MAGI2: variants seen among roughly 807,000 people sequenced by gnomAD.
MAGI2 encodes membrane-associated guanylate kinase, WW and PDZ domain-containing protein 2.
A neutral mutation model predicts 133.3 loss-of-function variants in MAGI2; 35 were observed. The observed-to-expected ratio is 0.26, with a 90% CI of 0.20 to 0.35. MAGI2 has a LOEUF of 0.35. MAGI2 is among the 10% of genes least tolerant of loss of function. The probability of loss-of-function intolerance (pLI) is 1.00; values close to 1 mark genes in which losing one functional copy is unlikely to be tolerated. For missense variants in MAGI2, 1,636 were observed against 1,863.4 expected, an observed-to-expected ratio of 0.88 and a Z score of 2.25; for synonymous variants, 729 against 710.6, an observed-to-expected ratio of 1.03 and a Z score of -0.41.
At chr7:78,193,886 G>A (rs1217242117) in intron 12 of MAGI2, among the ~76,000 whole-genome samples, 1 of 152,172 alleles carries the variant, frequency 6.6e-6, no homozygotes, top group Non-Finnish European at 1.5e-5. Context: ...TAGGGAAAAG[G>A]TATTATGTCT....
chr7:78,890,273 T>C (rs1249812126), intron 2 of MAGI2, among the ~76,000 whole-genome samples: 1 of 151,726 alleles, frequency 6.6e-6, no homozygotes, highest in Non-Finnish European at 1.5e-5. Context: ...CACACAATAA[T>C]AATGGGGGAC....
rs148871065 is a variant in MAGI2, at chr7:78,738,417, T to A, written c.419-111178A>T. 4.6e-5 allele frequency among the ~76,000 whole-genome samples: 7 copies of A among 152,330 alleles called. No individual in the cohort carries two copies. In the East Asian group the frequency reaches 1.3e-3, roughly 29 times the overall value. ...GATATAATTCTAATTTAGGGTAATT[T>A]ATGTTATTTCAGGTAAAAACATTTG... is the stretch of plus-strand genomic sequence containing the variant. On this transcript the variant is annotated intron_variant, in intron 2 of 21. Transcript: ENST00000354212.
chr7:79,399,109 T>TG (rs1845289531), intron 1 of MAGI2, among the ~76,000 whole-genome samples: 3 of 146,210 alleles, frequency 2.1e-5, no homozygotes, highest in African/African-American at 7.6e-5. Flanking sequence ...TTTTTTTTTT[T>TG]TGGGAGATGG....
rs866679933 is a variant in MAGI2, at chr7:79,196,142, G to C, written c.302-188936C>G. 9.9e-5 allele frequency among the ~76,000 whole-genome samples: 15 copies of C among 152,080 alleles called. No individual in the cohort carries two copies. In the South Asian group the frequency reaches 2.3e-3, roughly 23 times the overall value. On this transcript the variant is annotated intron_variant, in intron 1 of 21. Transcript: ENST00000354212. ...AGGTAATGAATATGTTAATTAGCTA[G>C]AGTTAGTCATTCCACAATGTATATT...
intron 7 of MAGI2, among the ~76,000 whole-genome samples, chr7:78,348,834 G>C (rs1239373646): frequency 6.6e-6 from 1 of 152,208 alleles, no homozygotes; most frequent in Non-Finnish European, 1.5e-5. Flanking sequence ...CAAGGTGGGA[G>C]ATCAATAGAA....
intron 7 of MAGI2, among the ~76,000 whole-genome samples, chr7:78,346,403 G>A (rs1019212436): frequency 6.6e-6 from 1 of 152,180 alleles, no homozygotes; most frequent in Non-Finnish European, 1.5e-5. Flanking sequence ...TGGTATTGAA[G>A]AAAAGAGCAT....
At chr7:78,916,062 G>A (rs1311946784) in intron 2 of MAGI2, among the ~76,000 whole-genome samples, 2 of 152,056 alleles carry the variant, frequency 1.3e-5, no homozygotes, top group African/African-American at 4.8e-5. Flanking sequence ...TCACATGTGA[G>A]CATATGGTTT....
chr7:79,419,276 C>T (rs1294747534), intron 1 of MAGI2, among the ~76,000 whole-genome samples: 2 of 151,940 alleles, frequency 1.3e-5, no homozygotes, highest in African/African-American at 4.8e-5. Context: ...ATCACTATCA[C>T]ACTTAACCAA....
chr7:78,775,001 A>T lies in MAGI2; in HGVS notation c.419-147762T>A, dbSNP rs187416216. Among the ~76,000 whole-genome samples the T allele has an allele frequency of 7.9e-5, 12 of 152,214 alleles. No individual in the cohort carries two copies. In the East Asian group the frequency reaches 2.3e-3, roughly 29 times the overall value. Reference sequence around the variant, plus strand: ...ATATATATTTGGTTTTGAACTCCACACTTACATATATATAGAAGCCTAAAG... The same window carrying T: ...ATATATATTTGGTTTTGAACTCCACTCTTACATATATATAGAAGCCTAAAG... On this transcript the variant is annotated intron_variant, in intron 2 of 21. Coordinates refer to ENST00000354212, the MANE Select transcript of MAGI2 (RefSeq NM_012301.4).
intron 15 of MAGI2, among the ~76,000 whole-genome samples, chr7:78,164,192 C>A (rs1180438825): frequency 6.6e-6 from 1 of 152,230 alleles, no homozygotes; most frequent in Non-Finnish European, 1.5e-5. Context: ...CCATATGCTA[C>A]ATACCAGGAC....
chr7:78,964,531 A>T (rs1288089703), intron 2 of MAGI2, among the ~76,000 whole-genome samples: 1 of 152,048 alleles, frequency 6.6e-6, no homozygotes, highest in African/African-American at 2.4e-5. Context: ...TACAGACAGC[A>T]TTATTTACTT....
chr7:78,121,795 T>G (rs1820500612), intron 20 of MAGI2, among the ~76,000 whole-genome samples: 1 of 152,144 alleles, frequency 6.6e-6, no homozygotes, highest in Admixed American at 6.5e-5. Context: ...ACAACAAACT[T>G]GGAAACAACC....
chr7:78,695,396 A>G (rs1352731138), intron 2 of MAGI2, among the ~76,000 whole-genome samples: 1 of 152,128 alleles, frequency 6.6e-6, no homozygotes, highest in African/African-American at 2.4e-5. Context: ...TTTAAACTGA[A>G]ATCTTCCTCC....
chr7:78,491,506 G>A (rs919532449), intron 5 of MAGI2, among the ~76,000 whole-genome samples: 1 of 152,058 alleles, frequency 6.6e-6, no homozygotes, highest in African/African-American at 2.4e-5. Flanking sequence ...GATGATAAAT[G>A]CCTCTCAACA....
intron 3 of MAGI2, among the ~76,000 whole-genome samples, chr7:78,570,313 T>G (rs539284403): frequency 2.6e-5 from 4 of 152,304 alleles, no homozygotes; most frequent in African/African-American, 9.6e-5. Context: ...TAAATATGAT[T>G]GAAACATTAA....
Position 78,235,874 on chromosome 7 carries a change from G to A in MAGI2, c.2047+20069C>T, listed in dbSNP as rs370208709. On this transcript the variant is annotated intron_variant, in intron 10 of 21. Coordinates refer to ENST00000354212, the MANE Select transcript of MAGI2 (RefSeq NM_012301.4). ...TTTTTACATAGTATGGACATTGCAG[G>A]TTATCTTCAATTTAACAAAGGGTAG... is the stretch of plus-strand genomic sequence containing the variant. 1.9e-4 allele frequency among the ~76,000 whole-genome samples: 29 copies of A among 152,124 alleles called. No homozygotes were observed. In the South Asian group the frequency reaches 3.3e-3, roughly 17 times the overall value.
chr7:78,665,188 G>A (rs535888624), intron 2 of MAGI2, among the ~76,000 whole-genome samples: 10 of 152,082 alleles, frequency 6.6e-5, no homozygotes, highest in Non-Finnish European at 8.8e-5. Context: ...TACTACCTAC[G>A]ATTATAAGTA....
chr7:78,073,442 C>G (rs75707194), intron 21 of MAGI2, among the ~76,000 whole-genome samples: 3,248 of 152,148 alleles, frequency 0.021, 122 homozygotes, highest in African/African-American at 0.074. Context: ...CAACTGGACT[C>G]TCTTCAGTGT....
intron 2 of MAGI2, among the ~76,000 whole-genome samples, chr7:78,893,842 G>A (rs925362502): frequency 6.6e-6 from 1 of 152,006 alleles, no homozygotes; most frequent in Non-Finnish European, 1.5e-5. Context: ...AAACCTGCAC[G>A]TTGTGCACAT....
Sources: gnomAD v4.1 joint callset for allele counts (sites outside exome capture counted in the v4.1 genomes callset) on GRCh38, gnomAD v4.1.1 for gene constraint, MANE v1.5 for transcripts, NCBI Gene and HGNC (gene_info 2026-07-23, HGNC 2026-07-21) for gene names.